Variants in ARHGAP8 observed in about 807,000 individuals in gnomAD.
ARHGAP8 encodes Rho GTPase activating protein 8, also known as rho GTPase-activating protein 8.
ARHGAP8 carries 62 observed loss-of-function variants against 46.1 expected under a neutral mutation model. The ratio of observed to expected loss-of-function variants is 1.34; its 90% CI spans 1.10 to 1.66. The LOEUF is 1.66. ARHGAP8 is among the 40% of genes most tolerant of loss of function. ARHGAP8 has a pLI of 0.00. For missense variants in ARHGAP8, 923 were observed against 568.4 expected, an observed-to-expected ratio of 1.62 and a Z score of -6.34; for synonymous variants, 375 against 243.1, an observed-to-expected ratio of 1.54 and a Z score of -5.05.
At chr22:44,855,134 A>T (rs930447837) in intron 10 of ARHGAP8, among the ~76,000 whole-genome samples, 2 of 152,226 alleles carry the variant, frequency 1.3e-5, no homozygotes, top group Non-Finnish European at 2.9e-5. Context: ...TTTATAAATT[A>T]ACTTGGTAAT....
At chr22:44,755,312 G>C (rs998269373) in intron 1 of ARHGAP8, among the ~76,000 whole-genome samples, 4 of 152,262 alleles carry the variant, frequency 2.6e-5, no homozygotes, top group Non-Finnish European at 4.4e-5. Flanking sequence ...CCACATGGGA[G>C]CTGGTGTCTG....
intron 3 of ARHGAP8, among the ~76,000 whole-genome samples, chr22:44,806,632 G>A (rs1046746930): frequency 1.3e-5 from 2 of 152,216 alleles, no homozygotes; most frequent in East Asian, 1.9e-4. Context: ...ATGGGCTTTT[G>A]TCAGAGGGCA....
At chr22:44,857,593 G>A (rs13054899) in intron 10 of ARHGAP8, among the ~76,000 whole-genome samples, 17,561 of 152,194 alleles carry the variant, frequency 0.12, 1,312 homozygotes, top group East Asian at 0.27. Flanking sequence ...CGACGGACAG[G>A]GGAGTGAGCC....
chr22:44,858,510 C>T (rs2070308662), intron 10 of ARHGAP8, among the ~76,000 whole-genome samples: 2 of 141,266 alleles, frequency 1.4e-5, no homozygotes, highest in East Asian at 2.1e-4. Context: ...TCTGGGATTA[C>T]AGGTGTGTGC....
chr22:44,774,350 G>A (rs1269861796), intron 1 of ARHGAP8, among the ~76,000 whole-genome samples: 1 of 152,156 alleles, frequency 6.6e-6, no homozygotes, highest in Non-Finnish European at 1.5e-5. Context: ...CACTGCCGAT[G>A]TCTGTGCCAA....
At chr22:44,852,330 C>T (rs1197269731) in intron 10 of ARHGAP8, among the ~76,000 whole-genome samples, 2 of 151,900 alleles carry the variant, frequency 1.3e-5, no homozygotes, top group Admixed American at 6.6e-5. Flanking sequence ...TTTTGTCATT[C>T]CGCCGTCTTT....
intron 7 of ARHGAP8, among the ~76,000 whole-genome samples, chr22:44,843,492 G>A (rs1262088737): frequency 6.6e-6 from 1 of 152,152 alleles, no homozygotes; most frequent in Non-Finnish European, 1.5e-5. Flanking sequence ...TAATAAAGTA[G>A]TATGAGGCTT....
At chr22:44,804,989 G>A (rs2147085999) in intron 3 of ARHGAP8, among the ~76,000 whole-genome samples, 1 of 152,302 alleles carries the variant, frequency 6.6e-6, no homozygotes, top group African/African-American at 2.4e-5. Flanking sequence ...CCCAGACAGT[G>A]AGGCTGGCTT....
intron 7 of ARHGAP8, among the ~76,000 whole-genome samples, chr22:44,832,632 ATTAG>A (rs1247171306): frequency 1.3e-5 from 2 of 152,258 alleles, no homozygotes; most frequent in African/African-American, 4.8e-5. Flanking sequence ...GAACTTGTTT[ATTAG>A]TTCTAATATT....
At chr22:44,821,464 A>G (rs1397985047) in intron 5 of ARHGAP8, among the ~76,000 whole-genome samples, 3 of 152,174 alleles carry the variant, frequency 2.0e-5, no homozygotes, top group East Asian at 1.9e-4. Flanking sequence ...AACATATACA[A>G]TAAAGAAATA....
At chr22:44,849,575 G>C (rs933091091) in intron 10 of ARHGAP8, 1 of 154,540 alleles carries the variant, frequency 6.5e-6, no homozygotes. Context: ...AAAAAACTCC[G>C]TAACAGCATC....
At chr22:44,850,198 C>T (rs1009467029) in intron 10 of ARHGAP8, 6 of 152,188 alleles carry the variant, frequency 3.9e-5, no homozygotes, top group Admixed American at 3.3e-4. Context: ...TGCTCCTAAG[C>T]GCCTGCCAAA....
rs9614957 is a variant in ARHGAP8 at position 44,862,453 on chromosome 22, C to G, written c.1160C>G (p.Pro387Arg). Reference protein sequence around the residue: ...YEKIFSTPEAPGEHGLAPWEQ... With the variant: ...YEKIFSTPEARGEHGLAPWEQ... Reference sequence around the variant, plus strand: ...AAGATCTTCAGCACCCCGGAGGCACCTGGGGAGCACGGCCTGGCACCATGG... The same window carrying G: ...AAGATCTTCAGCACCCCGGAGGCACGTGGGGAGCACGGCCTGGCACCATGG... The change falls in exon 12 of 12, where the codon CCT becomes CGT. Residue 387 changes from proline (P) to arginine (R), a missense_variant. By Grantham distance (103) the Pro-to-Arg change is moderately radical. Transcript: ENST00000356099. 179,479 of 1,613,982 alleles carry G rather than the reference C, an allele frequency of 0.11. 11,321 individuals carry two copies. Among genetic ancestry groups the G allele is most frequent in the Non-Finnish European group, 0.13 (154,121 of 1,179,962 alleles).
chr22:44,862,664 C>T lies in ARHGAP8; in HGVS notation c.*69C>T, dbSNP rs6006895. 4,720 of 1,484,536 alleles carry T rather than the reference C, an allele frequency of 3.2e-3. 118 individuals carry two copies. The African/African-American group carries it at 0.058, about 18-fold the overall frequency. 92.0% of individuals were successfully genotyped at this position (1,484,536 alleles called of 1,614,324 possible). The stretch of plus-strand genomic sequence containing the variant: ...TCTGTGCACTTGTATGTTTTGTAAA[C>T]TTGGCATCTGTAAAAATAACCAGCC... On this transcript the variant is annotated 3_prime_UTR_variant, in exon 12 of 12. Coordinates refer to ENST00000356099, the MANE Select transcript of ARHGAP8 (RefSeq NM_181335.3).
chr22:44,778,851 C>T (rs1195560588), intron 1 of ARHGAP8, among the ~76,000 whole-genome samples: 1 of 152,080 alleles, frequency 6.6e-6, no homozygotes, highest in East Asian at 1.9e-4. Flanking sequence ...GTCAGCCCTC[C>T]TCTCTCTCTA....
At chr22:44,771,155 CTT>C (rs1191764819) in intron 1 of ARHGAP8, among the ~76,000 whole-genome samples, 1 of 151,156 alleles carries the variant, frequency 6.6e-6, no homozygotes, top group Non-Finnish European at 1.5e-5. Context: ...TTTTCCAAAA[CTT>C]TGCTAATTTT....
chr22:44,814,997 C>T (rs1266021343), intron 5 of ARHGAP8, among the ~76,000 whole-genome samples: 1 of 152,118 alleles, frequency 6.6e-6, no homozygotes, highest in Non-Finnish European at 1.5e-5. Flanking sequence ...TTTAAAAGCC[C>T]CCCTTTGCCT....
intron 2 of ARHGAP8, among the ~76,000 whole-genome samples, chr22:44,798,515 C>T (rs1471046045): frequency 7.1e-6 from 1 of 140,650 alleles, no homozygotes; most frequent in Non-Finnish European, 1.5e-5. Flanking sequence ...TTCTGAGGGT[C>T]CAGGGGGACT....
intron 1 of ARHGAP8, among the ~76,000 whole-genome samples, chr22:44,767,872 C>CA (rs35120042): frequency 1.6e-3 from 165 of 104,228 alleles, no homozygotes; most frequent in African/African-American, 2.4e-3. Context: ...GACCCCATCT[C>CA]AAAAAAAAAA....
Sources: allele counts gnomAD v4.1 joint callset (sites outside exome capture counted in the v4.1 genomes callset), GRCh38; gene constraint gnomAD v4.1.1; transcripts MANE v1.5; gene names NCBI Gene and HGNC (gene_info 2026-07-23, HGNC 2026-07-21).